The following LHFPL3 variants were observed in gnomAD, a reference collection of about 807,000 sequenced individuals.
The protein encoded by LHFPL3 is LHFPL tetraspan subfamily member 3.
A neutral mutation model predicts 19.3 loss-of-function variants in LHFPL3; 5 were observed. That is an observed-to-expected ratio of 0.26 (90% confidence interval 0.14 to 0.54). LHFPL3 has a LOEUF of 0.54. LHFPL3 is among the 20% of genes least tolerant of loss of function. LHFPL3 has a pLI of 0.94. For missense variants in LHFPL3, 249 were observed against 307.4 expected (o/e 0.81, Z 1.42); for synonymous variants, 133 against 126.2 (o/e 1.05, Z -0.36).
intron 1 of LHFPL3, among the ~76,000 whole-genome samples, chr7:104,729,315 A>G (rs929918426): frequency 1.4e-4 from 21 of 152,202 alleles, no homozygotes; most frequent in Non-Finnish European, 7.3e-5. Context: ...AAAAATTAAA[A>G]CAGAATAGTA....
intron 1 of LHFPL3, among the ~76,000 whole-genome samples, chr7:104,495,595 G>C (rs907265690): frequency 6.6e-6 from 1 of 152,146 alleles, no homozygotes; most frequent in African/African-American, 2.4e-5. Context: ...ATGTTAGCCA[G>C]GATGGTCTCC....
chr7:104,714,207 C>A (rs1262530552), intron 1 of LHFPL3, among the ~76,000 whole-genome samples: 2 of 152,148 alleles, frequency 1.3e-5, no homozygotes, highest in African/African-American at 4.8e-5. Context: ...TCTGTCCTAC[C>A]CTTTCGTTTG....
chr7:104,472,587 G>A (rs142119623), intron 1 of LHFPL3, among the ~76,000 whole-genome samples: 212 of 152,210 alleles, frequency 1.4e-3, no homozygotes, highest in African/African-American at 4.3e-3. Context: ...GGGTATGTGC[G>A]TGAGTATTTG....
intron 1 of LHFPL3, among the ~76,000 whole-genome samples, chr7:104,362,575 A>G (rs1790406279): frequency 3.3e-5 from 5 of 152,204 alleles, no homozygotes. Context: ...CTGTTTCCTC[A>G]ATGCTATGTA....
In LHFPL3 at chr7:104,329,020, G is replaced by C; in HGVS notation, c.241G>C (p.Gly81Arg). ...TTTCGGGCTCTTCCACTACTGCATC[G>C]GCAACGGCTTCTCCCGGGAGCTGAC... ...GYFGLFHYCI[G>R]NGFSRELTCR... Residue 81 changes from glycine (G) to arginine (R), a missense_variant, in exon 1 of 3, where the codon GGC becomes CGC. Physicochemically the swap from Gly to Arg is moderately radical, Grantham distance 125. Coordinates refer to ENST00000424859, the MANE Select transcript of LHFPL3 (RefSeq NM_199000.3). 2 of 1,614,038 alleles carry C rather than the reference G, an allele frequency of 1.2e-6. No homozygotes were observed. Among genetic ancestry groups the C allele is most frequent in the Non-Finnish European group, 1.7e-6 (2 of 1,179,912 alleles).
chr7:104,578,015 G>A (rs183605920), intron 1 of LHFPL3, among the ~76,000 whole-genome samples: 74 of 152,174 alleles, frequency 4.9e-4, no homozygotes, highest in Middle Eastern at 3.4e-3. Flanking sequence ...CTTGTGTTGC[G>A]GCATGTATAG....
intron 1 of LHFPL3, among the ~76,000 whole-genome samples, chr7:104,383,812 G>A (rs1268190265): frequency 6.6e-6 from 1 of 152,152 alleles, no homozygotes; most frequent in East Asian, 1.9e-4. Flanking sequence ...AGTGAAGAAG[G>A]TCTTATGAAT....
intron 1 of LHFPL3, among the ~76,000 whole-genome samples, chr7:104,453,314 T>C (rs145695115): frequency 6.8e-4 from 104 of 151,984 alleles, no homozygotes; most frequent in African/African-American, 2.4e-3. Context: ...GGCGGGAAAC[T>C]ACTAGAGGCC....
chr7:104,626,738 G>T (rs951650015), intron 1 of LHFPL3, among the ~76,000 whole-genome samples: 2 of 152,194 alleles, frequency 1.3e-5, no homozygotes, highest in African/African-American at 2.4e-5. Context: ...GATTTAGGGT[G>T]AGCAGGCTTA....
intron 2 of LHFPL3, among the ~76,000 whole-genome samples, chr7:104,879,358 G>A (rs575972149): frequency 2.6e-5 from 4 of 152,272 alleles, no homozygotes; most frequent in African/African-American, 9.6e-5. Context: ...AAGGGTTGCA[G>A]TGAGTTGAGA....
intron 1 of LHFPL3, among the ~76,000 whole-genome samples, chr7:104,646,075 A>G (rs139730282): frequency 1.3e-5 from 2 of 152,134 alleles, no homozygotes; most frequent in East Asian, 3.9e-4. Context: ...ACTAGGTTTT[A>G]CTCTAGACAC....
At chr7:104,367,013 A>G (rs1359464394) in intron 1 of LHFPL3, among the ~76,000 whole-genome samples, 6 of 152,082 alleles carry the variant, frequency 3.9e-5, no homozygotes, top group Non-Finnish European at 8.8e-5. Context: ...CAGCTTACTT[A>G]TGATTGTCCT....
intron 1 of LHFPL3, among the ~76,000 whole-genome samples, chr7:104,687,575 G>T (rs754414513): frequency 5.3e-5 from 8 of 152,200 alleles, no homozygotes; most frequent in Admixed American, 2.6e-4. Context: ...CATCTCATTA[G>T]CATAGAAAAG....
At chr7:104,558,425 G>A (rs1372207327) in intron 1 of LHFPL3, among the ~76,000 whole-genome samples, 1 of 151,652 alleles carries the variant, frequency 6.6e-6, no homozygotes, top group Non-Finnish European at 1.5e-5. Context: ...TTCTCTGATG[G>A]CCAGTGATGA....
intron 1 of LHFPL3, among the ~76,000 whole-genome samples, chr7:104,609,995 T>A (rs1393865200): frequency 1.3e-5 from 2 of 152,194 alleles, no homozygotes; most frequent in Admixed American, 1.3e-4. Flanking sequence ...ACCACTAAGA[T>A]TAAACAGACA....
At chr7:104,559,533 A>G (rs1266543433) in intron 1 of LHFPL3, among the ~76,000 whole-genome samples, 16 of 150,990 alleles carry the variant, frequency 1.1e-4, no homozygotes, top group Non-Finnish European at 2.1e-4. Flanking sequence ...TTGATTTTGT[A>G]TCCTGAGACT....
intron 1 of LHFPL3, among the ~76,000 whole-genome samples, chr7:104,419,403 A>C: frequency 6.6e-6 from 1 of 152,232 alleles, no homozygotes; most frequent in Admixed American, 6.5e-5. Context: ...AATACAGTCA[A>C]GAGATTAAAA....
chr7:104,736,598 A>C, intron 1 of LHFPL3, 77 bp from the exon 2 acceptor site: 1 of 871,942 alleles, frequency 1.1e-6, no homozygotes, highest in East Asian at 2.6e-5. Flanking sequence ...TTCGACAGAC[A>C]GTGGAAACAT....
At chr7:104,503,152 T>C (rs1459632850) in intron 1 of LHFPL3, among the ~76,000 whole-genome samples, 2 of 151,610 alleles carry the variant, frequency 1.3e-5, no homozygotes, top group Non-Finnish European at 2.9e-5. Context: ...TAATAGGGCA[T>C]TGGTTAAATA....
Sources: allele counts gnomAD v4.1 joint callset (sites outside exome capture counted in the v4.1 genomes callset), GRCh38; gene constraint gnomAD v4.1.1; transcripts MANE v1.5; gene names NCBI Gene and HGNC (gene_info 2026-07-23, HGNC 2026-07-21).